ARHGAP19: variants seen among roughly 807,000 people sequenced by gnomAD.
ARHGAP19 encodes the protein Rho GTPase activating protein 19.
In ARHGAP19, 48 loss-of-function variants were observed where a neutral mutation model predicts 60.9. The observed-to-expected ratio is 0.79, with a 90% CI of 0.62 to 1.00. The LOEUF is 1.00. Ranked by LOEUF, ARHGAP19 falls within the 50% of genes least tolerant of loss-of-function variation. The pLI, the probability that ARHGAP19 is intolerant of heterozygous loss-of-function variation, is 0.00. For missense variants in ARHGAP19, 562 were observed against 597.2 expected (o/e 0.94, Z 0.61); for synonymous variants, 209 against 215.5 (o/e 0.97, Z 0.27).
intron 1 of ARHGAP19, among the ~76,000 whole-genome samples, chr10:97,291,629 T>C (rs1843233888): frequency 1.3e-5 from 2 of 152,102 alleles, no homozygotes; most frequent in Non-Finnish European, 2.9e-5. Context: ...TCAACCACGC[T>C]CATCTGGGCT....
chr10:97,255,447 T>G (rs941875985), intron 6 of ARHGAP19, among the ~76,000 whole-genome samples: 4 of 152,094 alleles, frequency 2.6e-5, no homozygotes, highest in African/African-American at 9.7e-5. Flanking sequence ...CGTGGCAGTG[T>G]ATGCCTGTGG....
At chr10:97,278,090 A>T (rs1226350314) in intron 1 of ARHGAP19, 2 of 153,276 alleles carry the variant, frequency 1.3e-5, no homozygotes, top group Admixed American at 6.5e-5. Flanking sequence ...AAACAAACTT[A>T]TACTCTGTAA....
chr10:97,268,688 T>G (rs1206427951), intron 1 of ARHGAP19, among the ~76,000 whole-genome samples: 1 of 152,142 alleles, frequency 6.6e-6, no homozygotes, highest in African/African-American at 2.4e-5. Context: ...TGAGACTTAT[T>G]CACTGTCAAG....
At chr10:97,255,806 C>T (rs190668200) in intron 6 of ARHGAP19, among the ~76,000 whole-genome samples, 68 of 152,272 alleles carry the variant, frequency 4.5e-4, no homozygotes, top group African/African-American at 1.6e-3. Context: ...CCTTAGGTTT[C>T]TCAGCAGGTG....
chr10:97,271,066 GAATA>G (rs1286330491), intron 1 of ARHGAP19, among the ~76,000 whole-genome samples: 2 of 151,910 alleles, frequency 1.3e-5, no homozygotes, highest in Non-Finnish European at 2.9e-5. Context: ...AAACAATATA[GAATA>G]AATTAATGCA....
At position 97,292,619 on chromosome 10, in the gene ARHGAP19, A is replaced by G. The variant is rs775129567; in HGVS notation, c.9T>C (p.Thr3=). MA[T]EAQSEGEVPA... ...GCACCTCCCCTTCACTCTGTGCCTC[A>G]GTCGCCATCTTCGTCAGCAAACTTC... Residue 3 remains threonine (T), a synonymous_variant, in exon 1 of 12, where the codon ACT becomes ACC. Transcript: ENST00000358531. The G allele has an allele frequency of 3.1e-6, 5 of 1,614,192 alleles. No homozygotes were observed. The Admixed American group carries it at 5.0e-5, about 16-fold the overall frequency.
intron 1 of ARHGAP19, among the ~76,000 whole-genome samples, chr10:97,276,898 C>G (rs1843031430): frequency 1.8e-4 from 1 of 5,708 alleles, no homozygotes; most frequent in African/African-American, 2.1e-4. Flanking sequence ...TGCCCGGCCG[C>G]CCCTACTGGG....
At chr10:97,258,946 T>G (rs367890437) in intron 5 of ARHGAP19, among the ~76,000 whole-genome samples, 43 of 152,284 alleles carry the variant, frequency 2.8e-4, no homozygotes, top group Middle Eastern at 6.8e-3. Context: ...AATACAAAAG[T>G]CAGGACAAGG....
At chr10:97,260,748 G>C (rs1010721627) in intron 4 of ARHGAP19, among the ~76,000 whole-genome samples, 1 of 151,916 alleles carries the variant, frequency 6.6e-6, no homozygotes, top group Non-Finnish European at 1.5e-5. Flanking sequence ...AAAAATGAGA[G>C]TTATCATTTG....
intron 1 of ARHGAP19, among the ~76,000 whole-genome samples, chr10:97,269,881 C>A (rs1183445516): frequency 6.6e-6 from 1 of 152,170 alleles, no homozygotes; most frequent in Non-Finnish European, 1.5e-5. Context: ...GAGCAAAACT[C>A]AGGATTCTAA....
chr10:97,226,755 T>C (rs1850904364), intron 11 of ARHGAP19, among the ~76,000 whole-genome samples: 1 of 152,234 alleles, frequency 6.6e-6, no homozygotes, highest in Non-Finnish European at 1.5e-5. Flanking sequence ...AGTGTCAATA[T>C]TTTTGTAGCA....
intron 1 of ARHGAP19, chr10:97,270,518 ATATT>A (rs1842948206): frequency 1.9e-6 from 2 of 1,047,432 alleles, no homozygotes; most frequent in Non-Finnish European, 1.4e-6. Context: ...AAAAACTACT[ATATT>A]TAAGCAAAAA....
chr10:97,232,802 C>T (rs1270101366), intron 9 of ARHGAP19, among the ~76,000 whole-genome samples: 2 of 152,058 alleles, frequency 1.3e-5, no homozygotes, highest in African/African-American at 4.8e-5. Context: ...TCTGTAATCC[C>T]AGCACTTCAG....
Position 97,244,159 on chromosome 10 carries a change from C to A in ARHGAP19, c.994G>T (p.Asp332Tyr), listed in dbSNP as rs765316964. The change falls in exon 8 of 12, where the codon GAT (aspartate) becomes TAT (tyrosine). Residue 332 changes from aspartate (D) to tyrosine (Y), a missense_variant and splice_region_variant. By Grantham distance (160) the Asp-to-Tyr change is radical (BLOSUM62 -3). Coordinates refer to ENST00000358531, the MANE Select transcript of ARHGAP19 (RefSeq NM_032900.6). ...YLGSRTQASK[D>Y]DLDLIASCHT... ...CATGAAGCTATGAGGTCAAGGTCAT[C>A]CTAAGGAAAATTTAAAAGAAGAGTA... is the stretch of plus-strand genomic sequence containing the variant. 6.4e-7 allele frequency: 1 copy of A among 1,573,448 alleles called. No individual in the cohort carries two copies. The highest frequency in any genetic ancestry group is 8.6e-7 in the Non-Finnish European group (1 of 1,161,900).
At chr10:97,237,674 C>T (rs1332133610) in intron 8 of ARHGAP19, among the ~76,000 whole-genome samples, 1 of 152,132 alleles carries the variant, frequency 6.6e-6, no homozygotes, top group Non-Finnish European at 1.5e-5. Flanking sequence ...AGTTCAAGAC[C>T]AGCCTGGCCA....
At chr10:97,263,968 A>G (rs1379969974) in intron 3 of ARHGAP19, among the ~76,000 whole-genome samples, 1 of 152,176 alleles carries the variant, frequency 6.6e-6, no homozygotes, top group Non-Finnish European at 1.5e-5. Context: ...ATCTCCCTAA[A>G]GACCTCTTCT....
chr10:97,225,869 T>C lies in ARHGAP19; in HGVS notation c.*253A>G. On this transcript the variant is annotated 3_prime_UTR_variant, in exon 12 of 12. Transcript: ENST00000358531. Reference sequence around the variant, plus strand: ...ACCTTAGTGTGCTGTATAAGCTGGTTGGATAGTTAGTGGTTTCCCCATAAT... The same window carrying C: ...ACCTTAGTGTGCTGTATAAGCTGGTCGGATAGTTAGTGGTTTCCCCATAAT... The C allele has an allele frequency of 1.9e-6, 1 of 516,198 alleles. No homozygotes were observed. The highest frequency in any genetic ancestry group is 3.1e-5 in the East Asian group (1 of 31,780). 32.0% of individuals were successfully genotyped at this position (516,198 alleles called of 1,614,324 possible).
rs998926549 is a variant in ARHGAP19, at chr10:97,282,231, C to A, written c.56+10341G>T. ...AAACCAGGACAAAAAGTCTCAACTC[C>A]AAGACTCTTGTGAATCCTAAAATTG... is the stretch of plus-strand genomic sequence containing the variant. On this transcript the variant is annotated intron_variant, in intron 1 of 11. Coordinates refer to ENST00000358531, the MANE Select transcript of ARHGAP19 (RefSeq NM_032900.6). Among the ~76,000 whole-genome samples, 21 of 152,284 alleles carry A rather than the reference C, an allele frequency of 1.4e-4. 1 individual carries two copies. The highest frequency in any genetic ancestry group is 1.3e-3 in the Admixed American group (20 of 15,286).
chr10:97,243,078 T>C (rs1489868024), intron 8 of ARHGAP19, among the ~76,000 whole-genome samples: 1 of 152,164 alleles, frequency 6.6e-6, no homozygotes, highest in Non-Finnish European at 1.5e-5. Context: ...CCTGTAAAAT[T>C]CCAGTTGTAA....
Sources: allele counts gnomAD v4.1 joint callset (sites outside exome capture counted in the v4.1 genomes callset), GRCh38; gene constraint gnomAD v4.1.1; transcripts MANE v1.5; gene names NCBI Gene and HGNC (gene_info 2026-07-23, HGNC 2026-07-21).